The following CASQ2 variants were observed in gnomAD, a reference collection of about 807,000 sequenced individuals.
The protein encoded by CASQ2 is calsequestrin-2.
Under a neutral mutation model 46.5 loss-of-function variants are expected in CASQ2, and 49 were observed. That is an observed-to-expected ratio of 1.05 (90% CI 0.84 to 1.34). CASQ2 has a LOEUF of 1.34. CASQ2 is among the 40% of genes most tolerant of loss of function. The probability of loss-of-function intolerance (pLI) is 0.00; values close to 1 mark genes in which losing one functional copy is unlikely to be tolerated. For missense variants in CASQ2, 486 were observed against 481.3 expected, an observed-to-expected ratio of 1.01 and a Z score of -0.09; for synonymous variants, 174 against 168.5, an observed-to-expected ratio of 1.03 and a Z score of -0.25.
In CASQ2 at chr1:115,723,516, T is replaced by C. The variant is rs148370140; in HGVS notation, c.783+1992A>G. Among the ~76,000 whole-genome samples the C allele has an allele frequency of 3.7e-3, 560 of 152,322 alleles. 5 individuals are homozygous for C. The highest frequency in any genetic ancestry group is 0.013 in the African/African-American group (535 of 41,572). On this transcript the variant is annotated intron_variant, in intron 7 of 10. Transcript: ENST00000261448. ...AAAGCACTATTATATCTTTTTGCTATTACTATTTTAAAATACATTAATAAG... is the reference window on the plus strand; with the variant it reads ...AAAGCACTATTATATCTTTTTGCTACTACTATTTTAAAATACATTAATAAG...
rs1254496448 is a variant in CASQ2 at position 115,761,177 on chromosome 1, G to A, written c.234+7131C>T. 2.7e-5 allele frequency among the ~76,000 whole-genome samples: 4 copies of A among 150,934 alleles called. No individual in the cohort carries two copies. In the East Asian group the frequency reaches 8.0e-4, roughly 30 times the overall value. On this transcript the variant is annotated intron_variant, in intron 1 of 10. Coordinates refer to ENST00000261448, the MANE Select transcript of CASQ2 (RefSeq NM_001232.4). ...AGCACTGCTACCTCATCTGAGGTTG[G>A]ACATAGAAAAATGGTGGTATACCAG...
chr1:115,701,452 G>T, intron 10 of CASQ2, 26 bp from the exon 11 acceptor site: 2 of 1,457,488 alleles, frequency 1.4e-6, no homozygotes, highest in Non-Finnish European at 1.9e-6. Context: ...AAATGAATGA[G>T]TGGGTAAATG....
In CASQ2 at chr1:115,746,734, A is replaced by G. The variant is rs1341976260; in HGVS notation, c.235-1822T>C. ...TTTAAATACCAGTCCTTTTTCAGAT[A>G]TATGGTTTACAAGCATTTTTTTTTA... On this transcript the variant is annotated intron_variant, in intron 1 of 10. Coordinates refer to ENST00000261448, the MANE Select transcript of CASQ2 (RefSeq NM_001232.4). 2.0e-5 allele frequency among the ~76,000 whole-genome samples: 3 copies of G among 151,886 alleles called. No homozygotes were observed. In the East Asian group the frequency reaches 5.8e-4, roughly 29 times the overall value.
At chr1:115,750,817 A>G (rs1648555132) in intron 1 of CASQ2, among the ~76,000 whole-genome samples, 1 of 149,336 alleles carries the variant, frequency 6.7e-6, no homozygotes, top group Non-Finnish European at 1.5e-5. Flanking sequence ...TAAAAATTCT[A>G]TTTAAATAAT....
intron 6 of CASQ2, among the ~76,000 whole-genome samples, chr1:115,726,233 A>G (rs1271940721): frequency 6.6e-6 from 1 of 152,192 alleles, no homozygotes; most frequent in Non-Finnish European, 1.5e-5. Context: ...GTCCACTACC[A>G]TGTTCCATAT....
chr1:115,733,095 G>T, intron 4 of CASQ2, 121 bp from the exon 5 acceptor site: 1 of 672,378 alleles, frequency 1.5e-6, no homozygotes, highest in Non-Finnish European at 2.6e-6. Flanking sequence ...TAATTTAGTA[G>T]GTATTGTTTA....
intron 1 of CASQ2, among the ~76,000 whole-genome samples, chr1:115,766,588 G>C (rs1649138998): frequency 6.6e-6 from 1 of 152,178 alleles, no homozygotes; most frequent in African/African-American, 2.4e-5. Flanking sequence ...CCTGTGCCTA[G>C]TAGAGACAAA....
At chr1:115,751,988 C>T (rs1354380210) in intron 1 of CASQ2, among the ~76,000 whole-genome samples, 3 of 152,220 alleles carry the variant, frequency 2.0e-5, no homozygotes, top group Non-Finnish European at 4.4e-5. Flanking sequence ...AGGATCACCT[C>T]CTTCAGCTGT....
intron 5 of CASQ2, among the ~76,000 whole-genome samples, chr1:115,727,991 C>T (rs990894495): frequency 3.9e-5 from 6 of 152,196 alleles, no homozygotes; most frequent in African/African-American, 1.4e-4. Context: ...ATTTCAGAGG[C>T]CTGGAATGTG....
At chr1:115,768,213 C>G (rs1237287416) in intron 1 of CASQ2, 95 bp downstream of exon 1, 3 of 833,690 alleles carry the variant, frequency 3.6e-6, no homozygotes, top group East Asian at 4.9e-5. Context: ...TATATATTCT[C>G]TGCATCCTCG....
At chr1:115,717,955 AG>A (rs1416668156) in intron 7 of CASQ2, 61 bp from the exon 8 acceptor site, 2 of 1,121,384 alleles carry the variant, frequency 1.8e-6, no homozygotes, top group Non-Finnish European at 2.7e-6. Context: ...GGACTGAGCC[AG>A]GGACAGGGAC....
chr1:115,755,676 A>G (rs189613497), intron 1 of CASQ2, among the ~76,000 whole-genome samples: 2 of 152,314 alleles, frequency 1.3e-5, no homozygotes. Flanking sequence ...GGAGAGTGGG[A>G]GTTTTCAATG....
intron 9 of CASQ2, among the ~76,000 whole-genome samples, chr1:115,703,297 A>C (rs1654268542): frequency 6.6e-6 from 1 of 152,168 alleles, no homozygotes; most frequent in African/African-American, 2.4e-5. Flanking sequence ...TTATAGAGCC[A>C]TTTCCCTCCA....
intron 8 of CASQ2, among the ~76,000 whole-genome samples, chr1:115,708,221 G>T (rs555458192): frequency 6.6e-6 from 1 of 152,230 alleles, no homozygotes; most frequent in African/African-American, 2.4e-5. Context: ...AAAATAAAAG[G>T]TTTTTGTAAA....
chr1:115,763,401 A>C (rs569731736), intron 1 of CASQ2, among the ~76,000 whole-genome samples: 12 of 151,976 alleles, frequency 7.9e-5, no homozygotes, highest in African/African-American at 2.9e-4. Context: ...CTGGCAACTC[A>C]CTCCTCCTCT....
At chr1:115,766,316 T>G (rs1649131888) in intron 1 of CASQ2, among the ~76,000 whole-genome samples, 1 of 152,234 alleles carries the variant, frequency 6.6e-6, no homozygotes, top group Non-Finnish European at 1.5e-5. Flanking sequence ...AGTAGCTGTG[T>G]GACCTTGGAC....
At chr1:115,725,446 A>C (rs1647547142) in intron 7 of CASQ2, 62 bp downstream of exon 7, 1 of 1,583,374 alleles carries the variant, frequency 6.3e-7, no homozygotes, top group African/African-American at 1.3e-5. Context: ...TAATCTAAGA[A>C]GCACTCCTCT....
Position 115,733,897 on chromosome 1 carries a change from A to AT in CASQ2, c.533-924dup, listed in dbSNP as rs934962656. ...CAGAATTTACTAAGATTCTATCAAA[A>AT]TTTTTTTAGAACAATGTTAATCCAG... On this transcript the variant is annotated intron_variant, in intron 4 of 10. Coordinates refer to ENST00000261448, the MANE Select transcript of CASQ2 (RefSeq NM_001232.4). Among the ~76,000 whole-genome samples the AT allele has an allele frequency of 3.3e-5, 5 of 152,296 alleles. No homozygotes were observed. In the East Asian group the frequency reaches 5.8e-4, roughly 18 times the overall value.
chr1:115,727,084 G>A lies in CASQ2; in HGVS notation c.645C>T (p.Asp215=), dbSNP rs1320292050. 7 of 1,613,006 alleles carry A rather than the reference G, an allele frequency of 4.3e-6. No individual in the cohort carries two copies. The highest frequency in any genetic ancestry group is 5.9e-6 in the Non-Finnish European group (7 of 1,179,178). The change falls in exon 6 of 11, where the codon GAC becomes GAT. Residue 215 remains aspartate (D), a synonymous_variant. Transcript: ENST00000261448. ...KKLSLKMNEV[D]FYEPFMDEPI... ...GCTCATCCATAAATGGCTCATAGAA[G>A]TCAACCTCATTCATCTTCAAAGATA...
Sources: gnomAD v4.1 joint callset for allele counts (sites outside exome capture counted in the v4.1 genomes callset) on GRCh38, gnomAD v4.1.1 for gene constraint, MANE v1.5 for transcripts, NCBI Gene and HGNC (gene_info 2026-07-23, HGNC 2026-07-21) for gene names.